The following ANOS1 variants were observed in gnomAD, a reference collection of about 807,000 sequenced individuals.
ANOS1 encodes anosmin-1.
In ANOS1, 6 loss-of-function variants were observed where a neutral mutation model predicts 59.0. The observed-to-expected ratio is 0.10, with a 90% CI of 0.06 to 0.20. The LOEUF (loss-of-function observed/expected upper bound fraction) is 0.20, where lower values mean the gene tolerates loss of function less well. Among genes scored for constraint, ANOS1 ranks in the 10% least tolerant of loss-of-function variants. The pLI is 1.00. For missense variants in ANOS1, 433 were observed against 542.3 expected, an observed-to-expected ratio of 0.80 and a Z score of 2.00; for synonymous variants, 217 against 223.4, an observed-to-expected ratio of 0.97 and a Z score of 0.25.
At chrX:8,686,402 T>TG (rs201107585) in intron 2 of ANOS1, among the ~76,000 whole-genome samples, 1,928 of 109,370 alleles carry the variant, frequency 0.018, 46 homozygotes, top group African/African-American at 0.062. Context: ...CTTAAGTGAG[T>TG]GAAAAAAAAA....
At position 8,712,450 on chromosome X, in the gene ANOS1, G is replaced by A. The variant is rs760076375; in HGVS notation, c.208-12705C>T. Among the ~76,000 whole-genome samples the A allele has an allele frequency of 2.3e-4, 26 of 112,236 alleles. No homozygotes were observed. The South Asian group carries it at 4.1e-3, about 18-fold the overall frequency. On this transcript the variant is annotated intron_variant, in intron 1 of 13. Coordinates refer to ENST00000262648, the MANE Select transcript of ANOS1 (RefSeq NM_000216.4). Reference sequence around the variant, plus strand: ...GAGTTAGAGGTGCATTATTCAATCCGGAAGCGACTAAAATAAATTAAAGCC... The same window carrying A: ...GAGTTAGAGGTGCATTATTCAATCCAGAAGCGACTAAAATAAATTAAAGCC...
intron 8 of ANOS1, among the ~76,000 whole-genome samples, chrX:8,561,426 A>G (rs1407113596): frequency 1.9e-5 from 2 of 104,066 alleles, no homozygotes; most frequent in African/African-American, 7.3e-5. Context: ...CAGCCTCCAG[A>G]GTAGCTGGGA....
At chrX:8,597,658 C>CTTTT (rs35836743) in intron 3 of ANOS1, among the ~76,000 whole-genome samples, 10 of 25,148 alleles carry the variant, frequency 4.0e-4, no homozygotes, top group African/African-American at 8.2e-4. Context: ...TTCTTTCTCC[C>CTTTT]TTTTTTTTTT....
chrX:8,564,613 T>C (rs1369572853), intron 8 of ANOS1, among the ~76,000 whole-genome samples: 1 of 112,236 alleles, frequency 8.9e-6, no homozygotes, highest in Non-Finnish European at 1.9e-5. Context: ...CTTCAGTGGA[T>C]GCAGGTATCT....
At chrX:8,621,820 G>GC (rs1490188082) in intron 3 of ANOS1, among the ~76,000 whole-genome samples, 1 of 111,563 alleles carries the variant, frequency 9.0e-6, no homozygotes, top group African/African-American at 3.3e-5. Context: ...GAGAAAATAA[G>GC]CCCCACAAAA....
At chrX:8,703,264 C>A (rs1033515709) in intron 1 of ANOS1, among the ~76,000 whole-genome samples, 5 of 112,241 alleles carry the variant, frequency 4.5e-5, no homozygotes, top group Non-Finnish European at 9.4e-5. Context: ...ATTTCTGAGG[C>A]CATGCAAGAG....
intron 4 of ANOS1, among the ~76,000 whole-genome samples, chrX:8,594,767 T>TA (rs1491241547): frequency 5.3e-4 from 33 of 62,734 alleles, no homozygotes; most frequent in East Asian, 7.4e-4. Context: ...TATATATATA[T>TA]TTTTTTTTTG....
intron 3 of ANOS1, among the ~76,000 whole-genome samples, chrX:8,610,735 C>T (rs1931040485): frequency 9.0e-6 from 1 of 111,316 alleles, no homozygotes; most frequent in Non-Finnish European, 1.9e-5. Flanking sequence ...AAGGATATCA[C>T]CTAGTAATGG....
chrX:8,705,687 C>T (rs893984635), intron 1 of ANOS1, among the ~76,000 whole-genome samples: 1 of 112,251 alleles, frequency 8.9e-6, no homozygotes, highest in Non-Finnish European at 1.9e-5. Context: ...TATTTCAATA[C>T]CCTGCCCCAG....
At chrX:8,600,432 T>C (rs1930821162) in intron 3 of ANOS1, among the ~76,000 whole-genome samples, 2 of 112,413 alleles carry the variant, frequency 1.8e-5, no homozygotes. Flanking sequence ...GTAGATGTCA[T>C]ATAAAATTGT....
intron 2 of ANOS1, among the ~76,000 whole-genome samples, chrX:8,626,860 CAAAAA>C (rs745349086): frequency 1.7e-5 from 1 of 59,848 alleles, no homozygotes. Context: ...TACTCCGTCT[CAAAAA>C]AAAAAAAAAA....
intron 6 of ANOS1, among the ~76,000 whole-genome samples, chrX:8,577,068 C>A (rs760212749): frequency 1.8e-5 from 2 of 111,449 alleles, no homozygotes; most frequent in African/African-American, 6.5e-5. Context: ...TTTGCAAAAC[C>A]AGGTTGCAGG....
intron 1 of ANOS1, among the ~76,000 whole-genome samples, chrX:8,720,710 T>C (rs1932869266): frequency 9.0e-6 from 1 of 110,634 alleles, no homozygotes. Flanking sequence ...GAAACTAGCC[T>C]GATCAACATA....
rs754991601 is a variant in ANOS1, at chrX:8,583,289, A to AT, written c.856+1977dup. Among the ~76,000 whole-genome samples, 355 of 111,660 alleles carry AT rather than the reference A, an allele frequency of 3.2e-3. 1 individual carries two copies. The highest frequency in any genetic ancestry group is 0.011 in the African/African-American group (332 of 30,751). Reference sequence around the variant, plus strand: ...TACCTTTAAATTTTCCTGGTAAGCCATGAAGGATCTTATCGGGGTGATGCA... The same window carrying AT: ...TACCTTTAAATTTTCCTGGTAAGCCATTGAAGGATCTTATCGGGGTGATGCA... On this transcript the variant is annotated intron_variant, in intron 6 of 13. Transcript: ENST00000262648.
At position 8,644,038 on chromosome X, in the gene ANOS1, C is replaced by T. The variant is rs747085304; in HGVS notation, c.256-20368G>A. On this transcript the variant is annotated intron_variant, in intron 2 of 13. Coordinates refer to ENST00000262648, the MANE Select transcript of ANOS1 (RefSeq NM_000216.4). ...CAAGCTGTGCCCCGACCACCTTGGA[C>T]ACATATTCTAAGGACCTTCTGAGGG... is the stretch of plus-strand genomic sequence containing the variant. Among the ~76,000 whole-genome samples the T allele has an allele frequency of 4.0e-4, 45 of 111,294 alleles. 1 individual carries two copies. The highest frequency in any genetic ancestry group is 7.5e-4 in the Non-Finnish European group (40 of 53,128).
intron 6 of ANOS1, among the ~76,000 whole-genome samples, chrX:8,580,052 C>G (rs1930395338): frequency 8.9e-6 from 1 of 111,903 alleles, no homozygotes; most frequent in African/African-American, 3.3e-5. Context: ...TGTTTCAAAG[C>G]AGCAAATATC....
chrX:8,652,456 T>C lies in ANOS1; in HGVS notation c.256-28786A>G, dbSNP rs1388882535. Among the ~76,000 whole-genome samples the C allele has an allele frequency of 2.7e-5, 3 of 111,810 alleles. No homozygotes were observed. The Admixed American group carries it at 2.8e-4, about 11-fold the overall frequency. On this transcript the variant is annotated intron_variant, in intron 2 of 13. Transcript: ENST00000262648. ...TACTGAGTCCTCAACACCCACTGAA[T>C]GTAGGCCACAAATTTGGATTTCAGC...
At chrX:8,692,843 T>G (rs749882296) in intron 2 of ANOS1, among the ~76,000 whole-genome samples, 44 of 112,463 alleles carry the variant, frequency 3.9e-4, no homozygotes, top group African/African-American at 1.4e-3. Context: ...ACTGGAGTCT[T>G]CATTTATTTA....
At chrX:8,554,542 G>GTTTT (rs757605733) in intron 8 of ANOS1, among the ~76,000 whole-genome samples, 94 of 50,807 alleles carry the variant, frequency 1.9e-3, no homozygotes, top group Admixed American at 3.5e-3. Context: ...GGCTACAGGA[G>GTTTT]TTTTTTTTTT....
Sources: allele counts gnomAD v4.1 joint callset (sites outside exome capture counted in the v4.1 genomes callset), GRCh38; gene constraint gnomAD v4.1.1; transcripts MANE v1.5; gene names NCBI Gene and HGNC (gene_info 2026-07-23, HGNC 2026-07-21).